HTR1F: variants seen among roughly 807,000 people sequenced by gnomAD.
The protein encoded by HTR1F is 5-hydroxytryptamine (serotonin) receptor 1F, G protein-coupled.
Under a neutral mutation model 24.0 loss-of-function variants are expected in HTR1F, and 17 were observed. That is an observed-to-expected ratio of 0.71 (90% confidence interval 0.48 to 1.06). HTR1F has a LOEUF of 1.06. Ranked by LOEUF, HTR1F falls within the 50% of genes least tolerant of loss-of-function variation. HTR1F has a pLI of 0.00. For missense variants in HTR1F, 391 were observed against 427.8 expected, an observed-to-expected ratio of 0.91 and a Z score of 0.76; for synonymous variants, 186 against 156.8, an observed-to-expected ratio of 1.19 and a Z score of -1.39.
At chr3:87,871,361 T>A (rs906285965) in intron 2 of HTR1F, among the ~76,000 whole-genome samples, 8 of 151,580 alleles carry the variant, frequency 5.3e-5, no homozygotes, top group African/African-American at 1.9e-4. Flanking sequence ...TAATATCACA[T>A]CAGAAAAGCA....
intron 2 of HTR1F, among the ~76,000 whole-genome samples, chr3:87,925,386 T>C (rs1473253019): frequency 6.6e-6 from 1 of 152,090 alleles, no homozygotes; most frequent in Non-Finnish European, 1.5e-5. Flanking sequence ...TACTTGGGTC[T>C]TGGAAATGAC....
intron 2 of HTR1F, among the ~76,000 whole-genome samples, chr3:87,899,057 T>C (rs751986965): frequency 2.0e-5 from 3 of 152,216 alleles, no homozygotes; most frequent in Non-Finnish European, 2.9e-5. Flanking sequence ...AGCATTGACA[T>C]TAAATTTTCT....
intron 1 of HTR1F, among the ~76,000 whole-genome samples, chr3:87,817,574 G>A (rs918177550): frequency 2.6e-5 from 4 of 152,098 alleles, no homozygotes; most frequent in Non-Finnish European, 4.4e-5. Context: ...TTGCATTACC[G>A]AGTGCTCTGG....
At chr3:87,940,859 T>A (rs1462882324) in intron 2 of HTR1F, among the ~76,000 whole-genome samples, 1 of 152,230 alleles carries the variant, frequency 6.6e-6, no homozygotes, top group Non-Finnish European at 1.5e-5. Flanking sequence ...CCTATAGCAG[T>A]GAGTATGCCA....
chr3:87,969,022 G>A (rs1365652670), intron 2 of HTR1F, among the ~76,000 whole-genome samples: 1 of 152,080 alleles, frequency 6.6e-6, no homozygotes, highest in Non-Finnish European at 1.5e-5. Context: ...TATTGAGTCT[G>A]CAAGTGCACA....
At chr3:87,936,493 T>G (rs1211904184) in intron 2 of HTR1F, among the ~76,000 whole-genome samples, 1 of 152,132 alleles carries the variant, frequency 6.6e-6, no homozygotes, top group Non-Finnish European at 1.5e-5. Context: ...ACAATAAACA[T>G]TTAATTTTTT....
At chr3:87,850,071 C>G (rs1450548215) in intron 2 of HTR1F, among the ~76,000 whole-genome samples, 2 of 151,874 alleles carry the variant, frequency 1.3e-5, no homozygotes, top group African/African-American at 4.9e-5. Flanking sequence ...GGATCTAAAA[C>G]TAGAAATACC....
intron 1 of HTR1F, among the ~76,000 whole-genome samples, chr3:87,803,130 C>G (rs1258550496): frequency 6.6e-6 from 1 of 152,172 alleles, no homozygotes; most frequent in Non-Finnish European, 1.5e-5. Flanking sequence ...AAACCATTTT[C>G]TCTCGAATTC....
At chr3:87,981,477 G>C (rs971719006) in intron 2 of HTR1F, among the ~76,000 whole-genome samples, 1 of 152,184 alleles carries the variant, frequency 6.6e-6, no homozygotes, top group Non-Finnish European at 1.5e-5. Flanking sequence ...TTACAGGTGT[G>C]AGCCACCATG....
chr3:87,904,842 G>T (rs532325471), intron 2 of HTR1F, among the ~76,000 whole-genome samples: 1 of 152,140 alleles, frequency 6.6e-6, no homozygotes, highest in East Asian at 1.9e-4. Context: ...TGGAGAGGTT[G>T]GAGTGATAAT....
At chr3:87,878,222 T>C (rs1046206052) in intron 2 of HTR1F, among the ~76,000 whole-genome samples, 3 of 152,120 alleles carry the variant, frequency 2.0e-5, no homozygotes, top group African/African-American at 7.2e-5. Flanking sequence ...AGGTGTCCAG[T>C]ACACAACTTC....
At chr3:87,987,671 T>TTA (rs1336344474) in intron 2 of HTR1F, among the ~76,000 whole-genome samples, 2 of 142,306 alleles carry the variant, frequency 1.4e-5, no homozygotes, top group Admixed American at 7.3e-5. Context: ...AATATATGTA[T>TTA]TATATATATA....
At chr3:87,860,059 C>T (rs1705283465) in intron 2 of HTR1F, among the ~76,000 whole-genome samples, 1 of 152,182 alleles carries the variant, frequency 6.6e-6, no homozygotes, top group African/African-American at 2.4e-5. Context: ...GAAAAGTATA[C>T]ACCTTGGCAT....
At chr3:87,818,649 C>T (rs1046191369) in intron 1 of HTR1F, among the ~76,000 whole-genome samples, 2 of 152,174 alleles carry the variant, frequency 1.3e-5, no homozygotes, top group Non-Finnish European at 2.9e-5. Context: ...CTTAGCCTTG[C>T]TTCTCTCAAA....
chr3:87,884,237 C>T (rs1705881949), intron 2 of HTR1F, among the ~76,000 whole-genome samples: 1 of 152,158 alleles, frequency 6.6e-6, no homozygotes, highest in Non-Finnish European at 1.5e-5. Flanking sequence ...TATACCCAGC[C>T]AAACTCAGCT....
chr3:87,874,065 C>A (rs1457244505), intron 2 of HTR1F, among the ~76,000 whole-genome samples: 7 of 151,986 alleles, frequency 4.6e-5, no homozygotes, highest in Admixed American at 3.9e-4. Context: ...AGATTAGGAA[C>A]AAGACAAGGA....
Position 87,885,516 on chromosome 3 carries a change from G to A in HTR1F, c.-43+63392G>A, listed in dbSNP as rs573237052. Among the ~76,000 whole-genome samples, 20 of 152,134 alleles carry A rather than the reference G, an allele frequency of 1.3e-4. 1 individual carries two copies. In the South Asian group the frequency reaches 4.1e-3, roughly 32 times the overall value. ...TCAGAGCAGAACTGAAGGAGATAGA[G>A]ACACAAAAAACCCTTCAAAAAATCA... On this transcript the variant is annotated intron_variant, in intron 2 of 2. Coordinates refer to ENST00000319595, the MANE Select transcript of HTR1F (RefSeq NM_001322209.2).
intron 2 of HTR1F, among the ~76,000 whole-genome samples, 189 bp downstream of exon 2, chr3:87,822,313 G>A (rs934224236): frequency 6.6e-6 from 1 of 152,164 alleles, no homozygotes; most frequent in Non-Finnish European, 1.5e-5. Context: ...GTTTCAAGGT[G>A]AAAGGAAGGA....
In HTR1F at chr3:87,845,579, A is replaced by C. The variant is rs1223958879; in HGVS notation, c.-43+23455A>C. ...CTACAAACCACTGCTCAAGGAAATA[A>C]AAGAGGATACAAACAAATGGAAGAA... On this transcript the variant is annotated intron_variant, in intron 2 of 2. Coordinates refer to ENST00000319595, the MANE Select transcript of HTR1F (RefSeq NM_001322209.2). 2.0e-5 allele frequency among the ~76,000 whole-genome samples: 3 copies of C among 150,824 alleles called. No individual in the cohort carries two copies. The East Asian group carries it at 5.8e-4, about 29-fold the overall frequency.
Sources: allele counts gnomAD v4.1 joint callset (sites outside exome capture counted in the v4.1 genomes callset), GRCh38; gene constraint gnomAD v4.1.1; transcripts MANE v1.5; gene names NCBI Gene and HGNC (gene_info 2026-07-23, HGNC 2026-07-21).